Variants in RBFOX1 observed in about 807,000 individuals in gnomAD.
RBFOX1 encodes RNA binding fox-1 homolog 1.
In RBFOX1, 8 loss-of-function variants were observed where a neutral mutation model predicts 57.7. That is an observed-to-expected ratio of 0.14 (90% CI 0.08 to 0.25). The LOEUF is 0.25. Ranked by LOEUF, RBFOX1 falls within the 10% of genes least tolerant of loss-of-function variation. RBFOX1 has a pLI of 1.00. For missense variants in RBFOX1, 611 were observed against 548.5 expected, an observed-to-expected ratio of 1.11 and a Z score of -1.14; for synonymous variants, 326 against 222.4, an observed-to-expected ratio of 1.47 and a Z score of -4.15.
chr16:6,812,382 A>T (rs1026929490), intron 3 of RBFOX1, among the ~76,000 whole-genome samples: 5 of 151,584 alleles, frequency 3.3e-5, no homozygotes, highest in African/African-American at 1.2e-4. Context: ...CTTATTTTTT[A>T]TTTTTTTTGA....
chr16:6,168,982 C>A (rs1365946884), intron 1 of RBFOX1, among the ~76,000 whole-genome samples: 3 of 152,102 alleles, frequency 2.0e-5, no homozygotes, highest in Non-Finnish European at 4.4e-5. Context: ...GGTGCTACAG[C>A]ATGAATTTAG....
intron 6 of RBFOX1, among the ~76,000 whole-genome samples, chr16:7,582,245 C>A (rs377624503): frequency 6.6e-6 from 1 of 152,314 alleles, no homozygotes; most frequent in Non-Finnish European, 1.5e-5. Context: ...ATGATAGATA[C>A]ACTTAATACC....
chr16:7,675,357 G>A (rs1231395643), intron 13 of RBFOX1, among the ~76,000 whole-genome samples: 2 of 151,632 alleles, frequency 1.3e-5, no homozygotes, highest in Admixed American at 6.6e-5. Flanking sequence ...GTGGCATCTG[G>A]CTAAGACCTC....
intron 4 of RBFOX1, among the ~76,000 whole-genome samples, chr16:7,274,595 T>G (rs1418795593): frequency 6.6e-6 from 1 of 152,192 alleles, no homozygotes; most frequent in African/African-American, 2.4e-5. Flanking sequence ...GGTCTACTTA[T>G]GGGCCACGTT....
chr16:7,561,883 G>A (rs1321282317), intron 5 of RBFOX1, among the ~76,000 whole-genome samples: 1 of 152,114 alleles, frequency 6.6e-6, no homozygotes, highest in African/African-American at 2.4e-5. Flanking sequence ...ATATTAGGGG[G>A]GAAATCTTTG....
intron 4 of RBFOX1, among the ~76,000 whole-genome samples, chr16:7,339,338 C>T (rs978384538): frequency 2.0e-5 from 3 of 152,178 alleles, no homozygotes; most frequent in African/African-American, 4.8e-5. Flanking sequence ...CTCTAGATCT[C>T]TTCCAACAGG....
chr16:6,633,109 G>T (rs1289582330), intron 2 of RBFOX1, among the ~76,000 whole-genome samples: 2 of 152,148 alleles, frequency 1.3e-5, no homozygotes, highest in African/African-American at 4.8e-5. Flanking sequence ...AAGTTGCAGC[G>T]ATTGTGCCCA....
At chr16:6,861,384 A>G (rs527714207) in intron 3 of RBFOX1, among the ~76,000 whole-genome samples, 2 of 152,248 alleles carry the variant, frequency 1.3e-5, no homozygotes, top group East Asian at 1.9e-4. Context: ...AAGACAAAAG[A>G]TGGACCAGTC....
At chr16:7,080,235 G>A (rs2058982863) in intron 4 of RBFOX1, among the ~76,000 whole-genome samples, 2 of 151,980 alleles carry the variant, frequency 1.3e-5, no homozygotes, top group Admixed American at 1.3e-4. Context: ...ACTGACCTCT[G>A]ATTTCATGCA....
At chr16:7,131,640 G>C (rs938748240) in intron 4 of RBFOX1, among the ~76,000 whole-genome samples, 4 of 151,676 alleles carry the variant, frequency 2.6e-5, no homozygotes, top group Non-Finnish European at 5.9e-5. Context: ...GTTGGGCCCA[G>C]ATGAGATAGG....
chr16:7,601,765 G>T (rs960840055), intron 9 of RBFOX1, among the ~76,000 whole-genome samples: 1 of 151,930 alleles, frequency 6.6e-6, no homozygotes, highest in African/African-American at 2.4e-5. Context: ...CCTCTAATAA[G>T]TCTGTCTGTG....
chr16:7,201,106 C>G (rs1249534577), intron 4 of RBFOX1, among the ~76,000 whole-genome samples: 1 of 152,128 alleles, frequency 6.6e-6, no homozygotes, highest in Non-Finnish European at 1.5e-5. Context: ...GTAAAAATTG[C>G]TCTGCAGGCA....
intron 4 of RBFOX1, among the ~76,000 whole-genome samples, chr16:7,275,260 C>A (rs2095418566): frequency 6.6e-6 from 1 of 152,088 alleles, no homozygotes. Context: ...TTGCTATTTC[C>A]CATGTATGTC....
chr16:7,188,043 A>G (rs2084365448), intron 4 of RBFOX1, among the ~76,000 whole-genome samples: 1 of 152,134 alleles, frequency 6.6e-6, no homozygotes, highest in Admixed American at 6.5e-5. Context: ...GGCCATTTTT[A>G]TTTCATTTTA....
At chr16:5,493,830 G>C (rs1373893338) in intron 2 of RBFOX1, among the ~76,000 whole-genome samples, 1 of 152,116 alleles carries the variant, frequency 6.6e-6, no homozygotes, top group Non-Finnish European at 1.5e-5. Flanking sequence ...TTTCCTTTTT[G>C]TACCAGCGTT....
intron 1 of RBFOX1, among the ~76,000 whole-genome samples, chr16:5,370,227 T>A (rs2065822707): frequency 6.6e-6 from 1 of 152,146 alleles, no homozygotes; most frequent in Non-Finnish European, 1.5e-5. Flanking sequence ...AACCCAATGG[T>A]GGGTCAGCTG....
chr16:5,840,658 G>A (rs1291246372), intron 3 of RBFOX1, among the ~76,000 whole-genome samples: 1 of 152,194 alleles, frequency 6.6e-6, no homozygotes, highest in Non-Finnish European at 1.5e-5. Flanking sequence ...GAGGATTAGG[G>A]TTACTTAGAA....
At chr16:7,655,589 G>A (rs1295397107) in intron 12 of RBFOX1, among the ~76,000 whole-genome samples, 1 of 151,926 alleles carries the variant, frequency 6.6e-6, no homozygotes, top group Non-Finnish European at 1.5e-5. Context: ...ATAAAGATTT[G>A]TTATTCCCAA....
chr16:5,458,851 A>C (rs1172165279), intron 1 of RBFOX1, among the ~76,000 whole-genome samples: 2 of 152,102 alleles, frequency 1.3e-5, no homozygotes, highest in Non-Finnish European at 2.9e-5. Flanking sequence ...GGAATGGCCA[A>C]CTCTGGGGAT....
Sources: gnomAD v4.1 joint callset for allele counts (sites outside exome capture counted in the v4.1 genomes callset) on GRCh38, gnomAD v4.1.1 for gene constraint, MANE v1.5 for transcripts, NCBI Gene and HGNC (gene_info 2026-07-23, HGNC 2026-07-21) for gene names.